Variants in STX18 observed in about 807,000 individuals in gnomAD.
The protein encoded by STX18 is syntaxin 18, also known as syntaxin-18.
A neutral mutation model predicts 50.1 loss-of-function variants in STX18; 40 were observed. The ratio of observed to expected loss-of-function variants is 0.80; its 90% CI spans 0.62 to 1.04. STX18 has a LOEUF of 1.04. Among genes scored for constraint, STX18 ranks in the 50% least tolerant of loss-of-function variants. The pLI, the probability that STX18 is intolerant of heterozygous loss-of-function variation, is 0.00. For synonymous variants in STX18, 158 were observed against 151.8 expected (o/e 1.04, Z -0.30); for missense variants, 410 against 415.8 (o/e 0.99, Z 0.12).
chr4:4,523,133 G>A (rs1730589419), intron 1 of STX18, among the ~76,000 whole-genome samples: 1 of 152,194 alleles, frequency 6.6e-6, no homozygotes, highest in Admixed American at 6.5e-5. Flanking sequence ...GTAGAGCCCA[G>A]AGTCCATGCT....
intron 1 of STX18, among the ~76,000 whole-genome samples, chr4:4,490,245 T>C (rs1728883949): frequency 1.3e-5 from 2 of 152,156 alleles, no homozygotes. Context: ...CATTATCTGA[T>C]CAAATATTAG....
intron 1 of STX18, among the ~76,000 whole-genome samples, chr4:4,510,148 C>A (rs927716462): frequency 6.6e-6 from 1 of 152,102 alleles, no homozygotes; most frequent in African/African-American, 2.4e-5. Flanking sequence ...ATAATGGGTG[C>A]CTACTATGTG....
intron 6 of STX18, among the ~76,000 whole-genome samples, chr4:4,437,299 C>A (rs931777510): frequency 1.3e-5 from 2 of 152,088 alleles, no homozygotes; most frequent in African/African-American, 4.8e-5. Context: ...GTCTCCCTGG[C>A]CCTCTGCTCT....
rs199983128 is a variant in STX18, at chr4:4,471,706, T to C, written c.169A>G (p.Ile57Val). 3.4e-5 allele frequency: 53 copies of C among 1,580,608 alleles called. No homozygotes were observed. The highest frequency in any genetic ancestry group is 4.0e-5 in the Non-Finnish European group (47 of 1,169,940). ...GDFSSRAREV[I>V]SHIGKLRDFL... ...TCTCTCAGTTTGCCAATGTGAGAAA[T>C]CTAAAATTAAAAAAGAAAGCCAACA... Residue 57 changes from isoleucine (I) to valine (V), a missense_variant and splice_region_variant, in exon 2 of 11, where the codon ATT becomes GTT. Coordinates refer to ENST00000306200, the MANE Select transcript of STX18 (RefSeq NM_016930.4).
At chr4:4,479,517 A>G (rs115911723) in intron 1 of STX18, among the ~76,000 whole-genome samples, 165 of 152,306 alleles carry the variant, frequency 1.1e-3, no homozygotes, top group African/African-American at 3.7e-3. Context: ...AACAGCCACA[A>G]TCCAGGATCA....
At chr4:4,424,451 C>T (rs1350881460) in intron 8 of STX18, among the ~76,000 whole-genome samples, 2 of 148,462 alleles carry the variant, frequency 1.3e-5, no homozygotes, top group African/African-American at 5.0e-5. Flanking sequence ...GGGGTGGGGG[C>T]GGTAGTGGGG....
chr4:4,434,171 A>G (rs1185903207), intron 7 of STX18, among the ~76,000 whole-genome samples: 1 of 152,204 alleles, frequency 6.6e-6, no homozygotes, highest in East Asian at 1.9e-4. Flanking sequence ...GGTGACATCT[A>G]TTCCCACACA....
intron 1 of STX18, among the ~76,000 whole-genome samples, chr4:4,498,568 C>T (rs996016552): frequency 1.3e-5 from 2 of 152,080 alleles, no homozygotes; most frequent in South Asian, 4.1e-4. Flanking sequence ...ATCATTGCTC[C>T]AATCCAAAAT....
intron 5 of STX18, among the ~76,000 whole-genome samples, chr4:4,455,216 C>G (rs1727001792): frequency 6.6e-6 from 1 of 152,160 alleles, no homozygotes; most frequent in Non-Finnish European, 1.5e-5. Context: ...TATGACATAT[C>G]CTGATTAAGC....
intron 1 of STX18, among the ~76,000 whole-genome samples, chr4:4,522,043 G>A (rs1363856164): frequency 3.9e-5 from 6 of 152,118 alleles, no homozygotes; most frequent in South Asian, 2.1e-4. Flanking sequence ...ACAAAAGACC[G>A]CAACATGGTT....
chr4:4,452,745 G>C (rs1726826531), intron 5 of STX18, among the ~76,000 whole-genome samples: 1 of 152,232 alleles, frequency 6.6e-6, no homozygotes, highest in Admixed American at 6.5e-5. Context: ...GCTATAGATA[G>C]TGATTCCTCT....
chr4:4,513,595 A>T (rs1293095805), intron 1 of STX18, among the ~76,000 whole-genome samples: 1 of 152,162 alleles, frequency 6.6e-6, no homozygotes, highest in Non-Finnish European at 1.5e-5. Context: ...AATAGACACT[A>T]CTGTTTTCAA....
intron 1 of STX18, chr4:4,478,001 G>C (rs1728273306): frequency 1.3e-5 from 2 of 152,074 alleles, no homozygotes; most frequent in African/African-American, 4.8e-5. Flanking sequence ...GCCCCACCTA[G>C]TAAACATGGA....
chr4:4,441,480 T>C (rs1052507155), intron 5 of STX18, among the ~76,000 whole-genome samples: 3 of 151,990 alleles, frequency 2.0e-5, no homozygotes, highest in Admixed American at 6.6e-5. Context: ...TTGGAAGATA[T>C]AATGAAAGAG....
chr4:4,423,882 T>C (rs1725098829), intron 8 of STX18: 1 of 426,766 alleles, frequency 2.3e-6, no homozygotes, highest in Non-Finnish European at 4.2e-6. Context: ...GCATTCTGTG[T>C]CACTGCTCGG....
chr4:4,473,563 C>G (rs780738461), intron 1 of STX18, among the ~76,000 whole-genome samples: 9 of 152,062 alleles, frequency 5.9e-5, no homozygotes, highest in African/African-American at 1.4e-4. Context: ...AAAGTGCTGG[C>G]ATTATAGGCG....
chr4:4,438,327 G>A (rs1725898871), intron 6 of STX18, 67 bp downstream of exon 6: 1 of 1,221,610 alleles, frequency 8.2e-7, no homozygotes, highest in Non-Finnish European at 1.2e-6. Context: ...CTTCGTTCCT[G>A]TGCTGTACTC....
At chr4:4,448,485 G>A (rs1266098896) in intron 5 of STX18, among the ~76,000 whole-genome samples, 2 of 152,042 alleles carry the variant, frequency 1.3e-5, no homozygotes, top group Non-Finnish European at 2.9e-5. Flanking sequence ...GGAATTACAG[G>A]AGTGCACCAC....
Position 4,423,544 on chromosome 4 carries a change from T to C in STX18, c.805A>G (p.Ile269Val). Residue 269 changes from isoleucine to valine, a missense_variant, in exon 9 of 11, where the codon ATA becomes GTA. By Grantham distance (29) the Ile-to-Val change is conservative. Coordinates refer to ENST00000306200, the MANE Select transcript of STX18 (RefSeq NM_016930.4). ...RVVEISRLQEIFTEKVLQQEA... is the reference protein window; with the variant it reads ...RVVEISRLQEVFTEKVLQQEA... ...TGTTGCAAAACCTTTTCCGTGAATA[T>C]CTCTTGGAGTCTGGAAATCTCAACC... is the stretch of plus-strand genomic sequence containing the variant. 2 of 1,614,244 alleles carry C rather than the reference T, an allele frequency of 1.2e-6. No individual in the cohort carries two copies. The highest frequency in any genetic ancestry group is 8.5e-7 in the Non-Finnish European group (1 of 1,180,044).
Sources: allele counts gnomAD v4.1 joint callset (sites outside exome capture counted in the v4.1 genomes callset), GRCh38; gene constraint gnomAD v4.1.1; transcripts MANE v1.5; gene names NCBI Gene and HGNC (gene_info 2026-07-23, HGNC 2026-07-21).